The following IQGAP2 variants were observed in gnomAD, a reference collection of about 807,000 sequenced individuals.
IQGAP2 encodes the protein IQ motif containing GTPase activating protein 2, also known as ras GTPase-activating-like protein IQGAP2.
IQGAP2 carries 173 observed loss-of-function variants against 201.3 expected under a neutral mutation model. That is an observed-to-expected ratio of 0.86 (90% CI 0.76 to 0.98). The LOEUF (loss-of-function observed/expected upper bound fraction) is 0.98. Ranked by LOEUF, IQGAP2 falls within the 50% of genes least tolerant of loss-of-function variation. IQGAP2 has a pLI of 0.00. For synonymous variants in IQGAP2, 675 were observed against 673.9 expected, an observed-to-expected ratio of 1.00 and a Z score of -0.03; for missense variants, 1,687 against 1,864.8, an observed-to-expected ratio of 0.90 and a Z score of 1.76.
intron 1 of IQGAP2, among the ~76,000 whole-genome samples, chr5:76,453,954 T>G (rs1753916499): frequency 6.6e-6 from 1 of 152,208 alleles, no homozygotes; most frequent in African/African-American, 2.4e-5. Flanking sequence ...AAATTGGCCT[T>G]GGAAACTTGA....
intron 17 of IQGAP2, among the ~76,000 whole-genome samples, chr5:76,647,437 T>A (rs1752137282): frequency 6.6e-6 from 1 of 152,134 alleles, no homozygotes; most frequent in East Asian, 1.9e-4. Context: ...AATTCTTGCA[T>A]GTTGTGGGAG....
chr5:76,428,524 G>A (rs180968544), intron 1 of IQGAP2, among the ~76,000 whole-genome samples: 5 of 148,212 alleles, frequency 3.4e-5, no homozygotes, highest in East Asian at 4.0e-4. Flanking sequence ...TCCACCTCAC[G>A]AATTCAAGTG....
At chr5:76,530,945 G>T (rs376752997) in intron 2 of IQGAP2, among the ~76,000 whole-genome samples, 1 of 152,358 alleles carries the variant, frequency 6.6e-6, no homozygotes, top group South Asian at 2.1e-4. Context: ...CCAAAGGGGT[G>T]TTTTGTGTGC....
chr5:76,590,485 C>T lies in IQGAP2; in HGVS notation c.718C>T (p.Pro240Ser). 1.2e-6 allele frequency: 2 copies of T among 1,613,426 alleles called. No homozygotes were observed. The highest frequency in any genetic ancestry group is 1.7e-6 in the Non-Finnish European group (2 of 1,179,602). The change falls in exon 8 of 36, where the codon CCA (proline) becomes TCA (serine). Residue 240 changes from proline (P) to serine (S), a missense_variant. Physicochemically the swap from Pro to Ser is moderately conservative, Grantham distance 74. Coordinates refer to ENST00000274364, the MANE Select transcript of IQGAP2 (RefSeq NM_006633.5). ...GCAAACCGTTGTAACACTAAGAAAC[C>T]CAAATGCGGTTTTAACTTTAGTGGA... ...AEQTVVTLRN[P>S]NAVLTLVDDN...
At chr5:76,498,436 A>G (rs1757103514) in intron 2 of IQGAP2, among the ~76,000 whole-genome samples, 2 of 152,194 alleles carry the variant, frequency 1.3e-5, no homozygotes, top group Admixed American at 6.5e-5. Flanking sequence ...ACACTTCTGT[A>G]GCAGAGACAG....
intron 4 of IQGAP2, among the ~76,000 whole-genome samples, chr5:76,575,321 A>G (rs527386178): frequency 9.2e-5 from 14 of 152,240 alleles, no homozygotes; most frequent in Middle Eastern, 3.4e-3. Flanking sequence ...TAACAAGGAC[A>G]CCCTTCTCAG....
chr5:76,531,654 G>A (rs753604864), intron 2 of IQGAP2, among the ~76,000 whole-genome samples: 5 of 152,162 alleles, frequency 3.3e-5, no homozygotes, highest in African/African-American at 4.8e-5. Flanking sequence ...TCGGAACACT[G>A]TCTTTTTAAA....
intron 2 of IQGAP2, among the ~76,000 whole-genome samples, chr5:76,504,830 G>A (rs567580808): frequency 7.1e-4 from 108 of 152,254 alleles, no homozygotes; most frequent in African/African-American, 2.3e-3. Context: ...CATTTTATCA[G>A]TTTAGATTCT....
intron 2 of IQGAP2, 101 bp downstream of exon 2, chr5:76,461,770 C>A (rs774597194): frequency 2.6e-6 from 2 of 775,234 alleles, no homozygotes; most frequent in Non-Finnish European, 4.4e-6. Context: ...AATGGGCCAG[C>A]AATTCTAAAG....
chr5:76,631,830 A>G (rs1750730726), intron 14 of IQGAP2, 29 bp from the exon 15 acceptor site: 1 of 1,522,656 alleles, frequency 6.6e-7, no homozygotes, highest in Non-Finnish European at 8.9e-7. Flanking sequence ...GATAACCATT[A>G]ACAAGAAACT....
At chr5:76,501,653 T>TTTTTTTTTC (rs1475008654) in intron 2 of IQGAP2, among the ~76,000 whole-genome samples, 1 of 143,194 alleles carries the variant, frequency 7.0e-6, no homozygotes, top group Admixed American at 7.0e-5. Flanking sequence ...CTTTTTTTTT[T>TTTTTTTTTC]TTTTCCTTGA....
At chr5:76,567,118 G>C (rs1413912723) in intron 3 of IQGAP2, among the ~76,000 whole-genome samples, 1 of 152,210 alleles carries the variant, frequency 6.6e-6, no homozygotes, top group South Asian at 2.1e-4. Context: ...GCACACAGTG[G>C]TTAGCAGTGT....
At chr5:76,570,776 G>A in intron 4 of IQGAP2, 119 bp downstream of exon 4, 8 of 704,414 alleles carry the variant, frequency 1.1e-5, no homozygotes, top group South Asian at 1.8e-5. Context: ...AGAAATGTGA[G>A]GACTAAAAAA....
At chr5:76,529,621 C>T (rs1038981344) in intron 2 of IQGAP2, among the ~76,000 whole-genome samples, 24 of 145,328 alleles carry the variant, frequency 1.7e-4, no homozygotes, top group Non-Finnish European at 3.3e-4. Context: ...GACCAAGACT[C>T]CCTCTCGGAA....
chr5:76,676,077 T>TCA (rs34099080), intron 27 of IQGAP2, among the ~76,000 whole-genome samples: 14,975 of 135,236 alleles, frequency 0.11, 930 homozygotes, highest in East Asian at 0.37. Context: ...TAAGACTCTG[T>TCA]CACACACACA....
At chr5:76,681,105 A>C (rs1405961543) in intron 28 of IQGAP2, among the ~76,000 whole-genome samples, 6 of 150,372 alleles carry the variant, frequency 4.0e-5, no homozygotes, top group African/African-American at 7.3e-5. Context: ...AAAAAAAAAA[A>C]AAAAAAAAAA....
intron 2 of IQGAP2, among the ~76,000 whole-genome samples, chr5:76,468,834 G>C (rs1213618306): frequency 1.3e-5 from 2 of 152,108 alleles, no homozygotes; most frequent in African/African-American, 4.8e-5. Flanking sequence ...TCTTTATCTA[G>C]TCAGACTTAC....
At chr5:76,488,699 G>A (rs980200832) in intron 2 of IQGAP2, among the ~76,000 whole-genome samples, 3 of 152,292 alleles carry the variant, frequency 2.0e-5, no homozygotes, top group South Asian at 4.1e-4. Flanking sequence ...TACAAGGTAC[G>A]TGTTGCCTCA....
At chr5:76,480,941 G>A (rs1755749801) in intron 2 of IQGAP2, among the ~76,000 whole-genome samples, 1 of 149,582 alleles carries the variant, frequency 6.7e-6, no homozygotes, top group African/African-American at 2.6e-5. Context: ...CATACCAGCT[G>A]GTTATCTGTT....
Sources: allele counts gnomAD v4.1 joint callset (sites outside exome capture counted in the v4.1 genomes callset), GRCh38; gene constraint gnomAD v4.1.1; transcripts MANE v1.5; gene names NCBI Gene and HGNC (gene_info 2026-07-23, HGNC 2026-07-21).